The following ARL15 variants were observed in gnomAD, a reference collection of about 807,000 sequenced individuals.
ARL15 encodes ADP-ribosylation factor-like protein 15.
In ARL15, 19 loss-of-function variants were observed where a neutral mutation model predicts 25.2. The ratio of observed to expected loss-of-function variants is 0.75; its 90% CI spans 0.53 to 1.10. ARL15 has a LOEUF of 1.10. Among genes scored for constraint, ARL15 ranks in the 50% least tolerant of loss-of-function variants. The pLI is 0.00. For missense variants in ARL15, 220 were observed against 246.0 expected (o/e 0.89, Z 0.71); for synonymous variants, 94 against 86.8 (o/e 1.08, Z -0.46).
intron 4 of ARL15, among the ~76,000 whole-genome samples, chr5:53,941,128 C>A (rs1746527139): frequency 6.6e-6 from 1 of 152,144 alleles, no homozygotes; most frequent in African/African-American, 2.4e-5. Flanking sequence ...TAAACCAAAG[C>A]ATTAGTCATT....
At chr5:54,271,848 C>A (rs1757793441) in intron 1 of ARL15, among the ~76,000 whole-genome samples, 1 of 152,070 alleles carries the variant, frequency 6.6e-6, no homozygotes, top group Non-Finnish European at 1.5e-5. Flanking sequence ...AAATCATCAC[C>A]AGGGTCAAGC....
At chr5:54,184,851 C>T (rs1266622963) in intron 1 of ARL15, among the ~76,000 whole-genome samples, 1 of 152,132 alleles carries the variant, frequency 6.6e-6, no homozygotes, top group Non-Finnish European at 1.5e-5. Flanking sequence ...TCACCACAGT[C>T]CTTTGGATAA....
At chr5:54,011,818 G>C (rs973903941) in intron 4 of ARL15, among the ~76,000 whole-genome samples, 19 of 152,106 alleles carry the variant, frequency 1.2e-4, no homozygotes, top group African/African-American at 4.1e-4. Flanking sequence ...AGACCATCCT[G>C]GCCAACATGG....
At chr5:53,964,211 C>A (rs752390976) in intron 4 of ARL15, among the ~76,000 whole-genome samples, 1 of 152,152 alleles carries the variant, frequency 6.6e-6, no homozygotes, top group Non-Finnish European at 1.5e-5. Context: ...ATTCACTTTA[C>A]AGGAAGGTCC....
intron 4 of ARL15, among the ~76,000 whole-genome samples, chr5:54,028,594 A>G (rs1053098816): frequency 2.0e-5 from 3 of 152,086 alleles, no homozygotes; most frequent in African/African-American, 7.2e-5. Flanking sequence ...ATTTTTACCA[A>G]TATGTCAAAA....
chr5:53,981,264 A>T (rs1281321043), intron 4 of ARL15, among the ~76,000 whole-genome samples: 2 of 152,238 alleles, frequency 1.3e-5, no homozygotes, highest in Admixed American at 1.3e-4. Flanking sequence ...ATTAGTAAAC[A>T]TCAATTAAAG....
chr5:54,041,927 T>A (rs1480377100), intron 4 of ARL15, among the ~76,000 whole-genome samples: 1 of 151,982 alleles, frequency 6.6e-6, no homozygotes, highest in Non-Finnish European at 1.5e-5. Context: ...TTATTCTAGT[T>A]GGGAATGAAA....
At chr5:54,236,813 T>G (rs1359162599) in intron 1 of ARL15, among the ~76,000 whole-genome samples, 1 of 152,198 alleles carries the variant, frequency 6.6e-6, no homozygotes, top group Non-Finnish European at 1.5e-5. Context: ...ATTTAGACAT[T>G]TGTCTAAAGT....
intron 4 of ARL15, among the ~76,000 whole-genome samples, chr5:53,887,548 T>C (rs1160974217): frequency 2.0e-5 from 3 of 152,240 alleles, no homozygotes; most frequent in African/African-American, 7.2e-5. Flanking sequence ...TTATGGCTTC[T>C]AGAAGTATTG....
At chr5:53,978,314 TA>T (rs1748009774) in intron 4 of ARL15, among the ~76,000 whole-genome samples, 1 of 152,142 alleles carries the variant, frequency 6.6e-6, no homozygotes, top group Non-Finnish European at 1.5e-5. Flanking sequence ...GTATGGGACA[TA>T]ACTCCTCAGT....
At chr5:54,304,227 G>A (rs1758693399) in intron 1 of ARL15, among the ~76,000 whole-genome samples, 2 of 152,254 alleles carry the variant, frequency 1.3e-5, no homozygotes, top group African/African-American at 2.4e-5. Flanking sequence ...TGAAGAGGGA[G>A]GGCCCTGGGG....
intron 1 of ARL15, among the ~76,000 whole-genome samples, chr5:54,234,469 A>T (rs1454167425): frequency 6.6e-6 from 1 of 152,062 alleles, no homozygotes; most frequent in African/African-American, 2.4e-5. Context: ...AACACTACAG[A>T]TCCCATCTTG....
intron 4 of ARL15, among the ~76,000 whole-genome samples, chr5:54,061,306 G>A (rs1751054249): frequency 1.3e-5 from 2 of 152,260 alleles, no homozygotes; most frequent in South Asian, 2.1e-4. Flanking sequence ...AGGCTGCATA[G>A]AAGTCAAGAA....
chr5:54,253,493 A>G (rs753767387), intron 1 of ARL15, among the ~76,000 whole-genome samples: 1 of 152,222 alleles, frequency 6.6e-6, no homozygotes, highest in Admixed American at 6.5e-5. Flanking sequence ...TACTCACTCA[A>G]TTCAAACACA....
At chr5:54,065,365 G>T (rs914183503) in intron 4 of ARL15, among the ~76,000 whole-genome samples, 4 of 152,136 alleles carry the variant, frequency 2.6e-5, no homozygotes, top group Non-Finnish European at 5.9e-5. Context: ...AATGTGGCTG[G>T]TCCAAACTGA....
intron 4 of ARL15, among the ~76,000 whole-genome samples, chr5:54,060,543 C>T (rs534276876): frequency 6.6e-6 from 1 of 152,320 alleles, no homozygotes; most frequent in East Asian, 1.9e-4. Context: ...TGACTTGCTC[C>T]CCCTTGCCTT....
chr5:54,234,857 T>C (rs1756762152), intron 1 of ARL15, among the ~76,000 whole-genome samples: 1 of 152,160 alleles, frequency 6.6e-6, no homozygotes, highest in Admixed American at 6.5e-5. Flanking sequence ...TATATGAGCA[T>C]AGGGAAATTA....
At chr5:54,219,200 G>T (rs1756304117) in intron 1 of ARL15, among the ~76,000 whole-genome samples, 1 of 152,058 alleles carries the variant, frequency 6.6e-6, no homozygotes, top group Non-Finnish European at 1.5e-5. Flanking sequence ...TTAAAATAAG[G>T]TTGGCCATGC....
At chr5:53,965,644 G>T (rs1277016392) in intron 4 of ARL15, among the ~76,000 whole-genome samples, 4 of 151,190 alleles carry the variant, frequency 2.6e-5, no homozygotes, top group Non-Finnish European at 5.9e-5. Context: ...TTTTCTGTGT[G>T]GGGGGTTTCT....
Sources: gnomAD v4.1 joint callset for allele counts (sites outside exome capture counted in the v4.1 genomes callset) on GRCh38, gnomAD v4.1.1 for gene constraint, MANE v1.5 for transcripts, NCBI Gene and HGNC (gene_info 2026-07-23, HGNC 2026-07-21) for gene names.